CD109: variants seen among roughly 807,000 people sequenced by gnomAD.
CD109 encodes CD109 molecule.
Under a neutral mutation model 165.8 loss-of-function variants are expected in CD109, and 149 were observed. The ratio of observed to expected loss-of-function variants is 0.90; its 90% CI spans 0.79 to 1.03. The LOEUF (loss-of-function observed/expected upper bound fraction) is 1.03, where lower values mean the gene tolerates loss of function less well. Ranked by LOEUF, CD109 falls within the 50% of genes least tolerant of loss-of-function variation. The pLI is 0.00. For synonymous variants in CD109, 585 were observed against 592.1 expected, an observed-to-expected ratio of 0.99 and a Z score of 0.18; for missense variants, 1,712 against 1,677.8, an observed-to-expected ratio of 1.02 and a Z score of -0.36.
At chr6:73,700,078 A>G (rs1336568661) in intron 2 of CD109, among the ~76,000 whole-genome samples, 2 of 152,114 alleles carry the variant, frequency 1.3e-5, no homozygotes, top group African/African-American at 4.8e-5. Context: ...AACACCAACA[A>G]ATAAATACCT....
chr6:73,733,469 A>T lies in CD109; in HGVS notation c.507+2895A>T, dbSNP rs1323564113. On this transcript the variant is annotated intron_variant, in intron 4 of 32. Transcript: ENST00000287097. ...AACTGGTCTTCTCAGGAGGGAAAGG[A>T]GCTTCGAGGCCTTTTGGCAGTAGAA... Among the ~76,000 whole-genome samples the T allele has an allele frequency of 3.3e-5, 5 of 152,164 alleles. No homozygotes were observed. In the East Asian group the frequency reaches 9.6e-4, roughly 29 times the overall value.
chr6:73,687,088 C>T, the CD109 span, among the ~76,000 whole-genome samples: 2 of 152,182 alleles, frequency 1.3e-5, no homozygotes, highest in Non-Finnish European at 2.9e-5. Flanking sequence ...TTCTATTGGA[C>T]AGCATTGGTC....
intron 15 of CD109, among the ~76,000 whole-genome samples, chr6:73,779,044 C>CAGAG (rs565554764): frequency 6.6e-6 from 1 of 152,172 alleles, no homozygotes; most frequent in African/African-American, 2.4e-5. Context: ...TGGCTCCAGA[C>CAGAG]AGAGACTCTG....
At chr6:73,822,598 T>C (rs73755064) in intron 32 of CD109, among the ~76,000 whole-genome samples, 5,676 of 152,314 alleles carry the variant, frequency 0.037, 344 homozygotes, top group African/African-American at 0.13. Context: ...TTTATTACTT[T>C]ACTTAGTTGC....
At chr6:73,687,371 C>T in the CD109 span, among the ~76,000 whole-genome samples, 40 of 151,620 alleles carry the variant, frequency 2.6e-4, no homozygotes, top group African/African-American at 9.4e-4. Context: ...TTTCCTTCCT[C>T]TTTCTTTCTC....
intron 2 of CD109, among the ~76,000 whole-genome samples, chr6:73,708,150 T>TC (rs988360760): frequency 6.6e-6 from 1 of 151,758 alleles, no homozygotes; most frequent in Non-Finnish European, 1.5e-5. Context: ...CCTTCCCCCT[T>TC]CCCCCATCCC....
At chr6:73,696,131 A>G (rs1770816435), upstream of CD109, 2 of 1,323,562 alleles carry the variant, frequency 1.5e-6, no homozygotes, top group Non-Finnish European at 2.1e-6. Flanking sequence ...GGGAAAAAAA[A>G]TCAGGGAGGA....
At chr6:73,698,452 T>C (rs1229245381) in intron 2 of CD109, among the ~76,000 whole-genome samples, 1 of 152,262 alleles carries the variant, frequency 6.6e-6, no homozygotes, top group East Asian at 1.9e-4. Flanking sequence ...CCCAAAGTGC[T>C]GGGATTACAG....
intron 5 of CD109, among the ~76,000 whole-genome samples, chr6:73,737,188 A>G (rs1056222195): frequency 4.6e-5 from 7 of 152,250 alleles, no homozygotes; most frequent in African/African-American, 1.7e-4. Context: ...ATTTTTCTAT[A>G]TTTATGTGAC....
At position 73,756,639 on chromosome 6, in the gene CD109, A is replaced by G. The variant is rs375658036; in HGVS notation, c.634-4A>G. On this transcript the variant is annotated splice_polypyrimidine_tract_variant and splice_region_variant and intron_variant, in intron 5 of 32. Coordinates refer to ENST00000287097, the MANE Select transcript of CD109 (RefSeq NM_133493.5). ...CTGTCTTTTTTTTCTCCCCTGCCCA[A>G]TAGGACCAGACATACTATCAATCAT... The G allele has an allele frequency of 8.4e-6, 13 of 1,545,226 alleles. No individual in the cohort carries two copies. Among genetic ancestry groups the G allele is most frequent in the South Asian group, 1.2e-5 (1 of 80,532 alleles).
rs766370752 is a variant in CD109 at position 73,785,420 on chromosome 6, A to G, written c.2280A>G (p.Arg760=). 3.3e-5 allele frequency: 53 copies of G among 1,609,142 alleles called. No individual in the cohort carries two copies. Among genetic ancestry groups the G allele is most frequent in the Non-Finnish European group, 4.3e-5 (51 of 1,177,842 alleles). The part of the protein sequence containing the change: ...IFLNLPYSVI[R]GEEFALEITI... ...TGAATCTTCCCTACTCTGTTATCAG[A>G]GGTGAAGAATTTGCTTTGGAAATAA... The change falls in exon 20 of 33, where the codon AGA becomes AGG. Residue 760 remains arginine, a synonymous_variant. Coordinates refer to ENST00000287097, the MANE Select transcript of CD109 (RefSeq NM_133493.5).
intron 23 of CD109, among the ~76,000 whole-genome samples, chr6:73,793,581 T>TC (rs1413125438): frequency 6.6e-6 from 1 of 152,222 alleles, no homozygotes; most frequent in East Asian, 1.9e-4. Flanking sequence ...GGTCATATAG[T>TC]CATACAGAGC....
At chr6:73,787,804 A>T (rs923954310) in intron 21 of CD109, among the ~76,000 whole-genome samples, 1 of 152,120 alleles carries the variant, frequency 6.6e-6, no homozygotes, top group African/African-American at 2.4e-5. Flanking sequence ...GATTTTGTAG[A>T]TTTTTTTCAG....
At position 73,697,540 on chromosome 6, in the gene CD109, C is replaced by T; in HGVS notation, c.215C>T (p.Ser72Phe). ...AAGACAGCATCAAACCTCACTGTCT[C>T]TGTCCTGGAAGCAGAAGGAGTCTTT... Reference protein sequence around the residue: ...LLKTASNLTVSVLEAEGVFEK... With the variant: ...LLKTASNLTVFVLEAEGVFEK... The change falls in exon 2 of 33, where the codon TCT becomes TTT. Residue 72 changes from serine to phenylalanine, a missense_variant. Physicochemically the swap from Ser to Phe is radical, Grantham distance 155. Coordinates refer to ENST00000287097, the MANE Select transcript of CD109 (RefSeq NM_133493.5). The T allele has an allele frequency of 6.2e-7, 1 of 1,614,088 alleles. No individual in the cohort carries two copies. The highest frequency in any genetic ancestry group is 8.5e-7 in the Non-Finnish European group (1 of 1,180,012).
intron 5 of CD109, among the ~76,000 whole-genome samples, chr6:73,737,118 GACTT>G: frequency 6.6e-6 from 1 of 152,228 alleles, no homozygotes; most frequent in South Asian, 2.1e-4. Context: ...AAAGCAATGA[GACTT>G]AACTGTTTTA....
At chr6:73,693,266 G>T (rs1453905443), upstream of CD109, among the ~76,000 whole-genome samples, 2 of 152,160 alleles carry the variant, frequency 1.3e-5, no homozygotes, top group Non-Finnish European at 2.9e-5. Context: ...ATGTGGAAGG[G>T]GAAGGGGAGC....
intron 30 of CD109, among the ~76,000 whole-genome samples, chr6:73,815,977 C>T (rs942649065): frequency 6.6e-6 from 1 of 152,134 alleles, no homozygotes; most frequent in African/African-American, 2.4e-5. Context: ...TTTAACTTAG[C>T]TTATTGTTGG....
intron 23 of CD109, among the ~76,000 whole-genome samples, chr6:73,799,328 C>G (rs980540266): frequency 1.3e-5 from 2 of 152,096 alleles, no homozygotes; most frequent in Non-Finnish European, 2.9e-5. Context: ...TATTTTGAGA[C>G]ATATATTCAA....
At chr6:73,789,819 G>A (rs1774855215) in intron 22 of CD109, among the ~76,000 whole-genome samples, 1 of 149,068 alleles carries the variant, frequency 6.7e-6, no homozygotes, top group South Asian at 2.1e-4. Context: ...AGAGTGCAGT[G>A]GCAGGATCTT....
Sources: gnomAD v4.1 joint callset for allele counts (sites outside exome capture counted in the v4.1 genomes callset) on GRCh38, gnomAD v4.1.1 for gene constraint, MANE v1.5 for transcripts, NCBI Gene and HGNC (gene_info 2026-07-23, HGNC 2026-07-21) for gene names.